Variants in LPAR1 observed in about 807,000 individuals in gnomAD.
The protein encoded by LPAR1 is LPA receptor 1.
A neutral mutation model predicts 23.8 loss-of-function variants in LPAR1; 5 were observed. That is an observed-to-expected ratio of 0.21 (90% CI 0.11 to 0.44). LPAR1 has a LOEUF of 0.44. Ranked by LOEUF, LPAR1 falls within the 20% of genes least tolerant of loss-of-function variation. The probability of loss-of-function intolerance (pLI) is 0.99; values close to 1 mark genes in which losing one functional copy is unlikely to be tolerated. For synonymous variants in LPAR1, 160 were observed against 164.7 expected (o/e 0.97, Z 0.22); for missense variants, 311 against 482.8 (o/e 0.64, Z 3.33).
chr9:111,024,405 ATATT>A (rs907193577), intron 2 of LPAR1, among the ~76,000 whole-genome samples: 4 of 147,816 alleles, frequency 2.7e-5, no homozygotes, highest in Non-Finnish European at 6.0e-5. Context: ...ACACACACAC[ATATT>A]TATATATATA....
rs533827876 is a variant in LPAR1, at chr9:110,989,890, T to C, written c.-181-16332A>G. ...CATGAAGACACAAATAGATTAAAAGTAAAAGGATAAAAAAACGAAATACCC... is the reference window on the plus strand; with the variant it reads ...CATGAAGACACAAATAGATTAAAAGCAAAAGGATAAAAAAACGAAATACCC... On this transcript the variant is annotated intron_variant, in intron 2 of 5. Coordinates refer to ENST00000683809, the MANE Select transcript of LPAR1 (RefSeq NM_001351411.2). Among the ~76,000 whole-genome samples, 4 of 151,696 alleles carry C rather than the reference T, an allele frequency of 2.6e-5. No homozygotes were observed. The South Asian group carries it at 8.3e-4, about 32-fold the overall frequency.
chr9:111,007,475 C>T (rs1450344929), intron 2 of LPAR1, among the ~76,000 whole-genome samples: 1 of 151,998 alleles, frequency 6.6e-6, no homozygotes, highest in Non-Finnish European at 1.5e-5. Context: ...GGTTGATAAA[C>T]ATCCACAAGA....
At chr9:110,984,133 T>C (rs1173568654) in intron 2 of LPAR1, among the ~76,000 whole-genome samples, 1 of 151,978 alleles carries the variant, frequency 6.6e-6, no homozygotes, top group Non-Finnish European at 1.5e-5. Context: ...AATCCAACTA[T>C]ACTCTTTTAA....
intron 1 of LPAR1, chr9:111,037,895 G>C (rs1046730754): frequency 6.6e-6 from 1 of 152,176 alleles, no homozygotes; most frequent in Non-Finnish European, 1.5e-5. Flanking sequence ...CTTCCCTCCA[G>C]GGGCTCGGTC....
At chr9:110,979,205 AC>A (rs1489096315) in intron 2 of LPAR1, among the ~76,000 whole-genome samples, 1 of 152,084 alleles carries the variant, frequency 6.6e-6, no homozygotes, top group Non-Finnish European at 1.5e-5. Context: ...CATGATAAAT[AC>A]TTATAATTTT....
At chr9:110,978,215 C>G (rs2096600290) in intron 2 of LPAR1, among the ~76,000 whole-genome samples, 1 of 152,040 alleles carries the variant, frequency 6.6e-6, no homozygotes, top group Admixed American at 6.5e-5. Flanking sequence ...AGAAAAGAGT[C>G]TGCGCTAACC....
At chr9:110,915,704 C>G (rs938492291) in intron 5 of LPAR1, among the ~76,000 whole-genome samples, 1 of 152,064 alleles carries the variant, frequency 6.6e-6, no homozygotes. Flanking sequence ...TTTGTACATA[C>G]TCATTTTTCT....
intron 4 of LPAR1, among the ~76,000 whole-genome samples, chr9:110,968,657 G>C (rs915978179): frequency 6.6e-6 from 1 of 152,098 alleles, no homozygotes; most frequent in African/African-American, 2.4e-5. Flanking sequence ...ACAAAGCGTT[G>C]TAACTTTTTG....
intron 5 of LPAR1, among the ~76,000 whole-genome samples, chr9:110,930,238 C>T (rs10980637): frequency 0.19 from 28,506 of 152,112 alleles, 3,708 homozygotes; most frequent in East Asian, 0.6. Context: ...CCCTTTCCAC[C>T]GGACGTGGTG....
At chr9:110,920,365 A>C (rs1227408742) in intron 5 of LPAR1, among the ~76,000 whole-genome samples, 1 of 152,262 alleles carries the variant, frequency 6.6e-6, no homozygotes, top group Non-Finnish European at 1.5e-5. Flanking sequence ...CTTTGGATGC[A>C]TAGTTCAAGT....
In LPAR1 at chr9:110,982,643, A is replaced by G. The variant is rs1248722790; in HGVS notation, c.-181-9085T>C. 5.3e-5 allele frequency among the ~76,000 whole-genome samples: 8 copies of G among 152,100 alleles called. No individual in the cohort carries two copies. In the East Asian group the frequency reaches 1.5e-3, roughly 29 times the overall value. On this transcript the variant is annotated intron_variant, in intron 2 of 5. Transcript: ENST00000683809. The stretch of plus-strand genomic sequence containing the variant: ...AGTATAATAATAAAAAATAAAAATA[A>G]AAAAATTTAAAAAGAAATTATGGAT...
At chr9:111,020,881 T>A (rs150662377) in intron 2 of LPAR1, among the ~76,000 whole-genome samples, 286 of 152,022 alleles carry the variant, frequency 1.9e-3, no homozygotes, top group African/African-American at 6.8e-3. Context: ...CTAAGTAAAA[T>A]CTCCAGAGTT....
chr9:110,910,582 A>T (rs554235011), intron 5 of LPAR1, among the ~76,000 whole-genome samples: 78 of 152,338 alleles, frequency 5.1e-4, no homozygotes, highest in African/African-American at 1.9e-3. Flanking sequence ...TTGTAAAGCT[A>T]GAGCTGCCAT....
intron 2 of LPAR1, among the ~76,000 whole-genome samples, chr9:111,010,520 G>T (rs1457358981): frequency 1.3e-5 from 2 of 152,026 alleles, no homozygotes; most frequent in African/African-American, 4.8e-5. Flanking sequence ...GTGAATTAGA[G>T]GCAAAAAGTC....
At chr9:110,913,243 G>T (rs923762814) in intron 5 of LPAR1, among the ~76,000 whole-genome samples, 1 of 152,136 alleles carries the variant, frequency 6.6e-6, no homozygotes, top group Non-Finnish European at 1.5e-5. Context: ...TAACTGAGGC[G>T]TTGAGCTGTC....
intron 5 of LPAR1, among the ~76,000 whole-genome samples, chr9:110,910,692 G>A (rs7035723): frequency 0.12 from 18,032 of 152,154 alleles, 1,142 homozygotes; most frequent in South Asian, 0.13. Context: ...ATGATTCATA[G>A]TAGGAGGCCA....
chr9:110,991,244 T>C (rs10980683), intron 2 of LPAR1, among the ~76,000 whole-genome samples: 56,379 of 152,092 alleles, frequency 0.37, 11,246 homozygotes, highest in Non-Finnish European at 0.43. Context: ...CATTTCTGCT[T>C]GTCAACATAC....
At chr9:110,902,409 C>T (rs780442930) in intron 5 of LPAR1, among the ~76,000 whole-genome samples, 1 of 152,070 alleles carries the variant, frequency 6.6e-6, no homozygotes, top group Non-Finnish European at 1.5e-5. Flanking sequence ...GTTATCACGA[C>T]ATCTGATGGG....
intron 5 of LPAR1, among the ~76,000 whole-genome samples, chr9:110,897,731 A>G (rs2086940693): frequency 6.6e-6 from 1 of 152,218 alleles, no homozygotes; most frequent in Non-Finnish European, 1.5e-5. Flanking sequence ...AGACAACTGG[A>G]GAACTAATTC....
Sources: gnomAD v4.1 joint callset for allele counts (sites outside exome capture counted in the v4.1 genomes callset) on GRCh38, gnomAD v4.1.1 for gene constraint, MANE v1.5 for transcripts, NCBI Gene and HGNC (gene_info 2026-07-23, HGNC 2026-07-21) for gene names.